Variants in SMURF2 observed in about 807,000 individuals in gnomAD.
SMURF2 encodes the protein SMAD specific E3 ubiquitin protein ligase 2.
SMURF2 carries 48 observed loss-of-function variants against 109.6 expected under a neutral mutation model. The observed-to-expected ratio is 0.44, with a 90% CI of 0.35 to 0.56. SMURF2 has a LOEUF of 0.56. Ranked by LOEUF, SMURF2 falls within the 20% of genes least tolerant of loss-of-function variation. The pLI is 0.01. For missense variants in SMURF2, 575 were observed against 909.0 expected (o/e 0.63, Z 4.72); for synonymous variants, 288 against 317.1 (o/e 0.91, Z 0.97).
intron 16 of SMURF2, among the ~76,000 whole-genome samples, chr17:64,549,624 T>C (rs1969011617): frequency 6.6e-6 from 1 of 152,034 alleles, no homozygotes; most frequent in South Asian, 2.1e-4. Context: ...GGCATGGTGG[T>C]GCACACCTGA....
At chr17:64,549,262 CAAAAAAAA>C (rs577973821) in intron 16 of SMURF2, among the ~76,000 whole-genome samples, 14 of 41,572 alleles carry the variant, frequency 3.4e-4, no homozygotes, top group South Asian at 1.3e-3. Flanking sequence ...ACTGTGTCTC[CAAAAAAAA>C]AAAAAAAAAA....
intron 1 of SMURF2, among the ~76,000 whole-genome samples, chr17:64,651,939 G>A (rs1449697940): frequency 6.6e-6 from 1 of 152,024 alleles, no homozygotes; most frequent in African/African-American, 2.4e-5. Context: ...AAGCAAAAAC[G>A]ATAAATACTC....
intron 2 of SMURF2, among the ~76,000 whole-genome samples, chr17:64,603,584 A>C (rs781932360): frequency 7.7e-6 from 1 of 129,832 alleles, no homozygotes; most frequent in Non-Finnish European, 1.6e-5. Context: ...CCGTCGGGGG[A>C]AAAAAAAAAA....
At chr17:64,556,122 G>A in intron 13 of SMURF2, 124 bp from the exon 14 acceptor site, 1 of 654,414 alleles carries the variant, frequency 1.5e-6, no homozygotes, top group South Asian at 2.3e-5. Flanking sequence ...CTTCAATAGA[G>A]TCAGGAGGGA....
chr17:64,661,598 T>C (rs1331409020), intron 1 of SMURF2, among the ~76,000 whole-genome samples: 2 of 151,784 alleles, frequency 1.3e-5, no homozygotes, highest in Admixed American at 6.5e-5. Context: ...ACCGGTGTAT[T>C]CTCCCCTCCA....
At chr17:64,595,504 G>C (rs1969804701) in intron 3 of SMURF2, among the ~76,000 whole-genome samples, 1 of 152,130 alleles carries the variant, frequency 6.6e-6, no homozygotes, top group Admixed American at 6.5e-5. Context: ...ACAAATACAT[G>C]ATTTATAAAC....
rs192534919 is a variant in SMURF2, at chr17:64,609,924, C to A, written c.53-3284G>T. On this transcript the variant is annotated intron_variant, in intron 1 of 18. Transcript: ENST00000262435. ...GAATTTAAATTTACAAAAAAAAAAA[C>A]CCCATCAAAAAGTGGGCAAAGGATT... Among the ~76,000 whole-genome samples, 1,401 of 149,224 alleles carry A rather than the reference C, an allele frequency of 9.4e-3. 38 individuals are homozygous for A. The highest frequency in any genetic ancestry group is 0.05 in the Admixed American group (747 of 15,082).
At chr17:64,546,438 A>G in intron 17 of SMURF2, 100 bp from the exon 18 acceptor site, 1 of 1,006,050 alleles carries the variant, frequency 9.9e-7, no homozygotes, top group Non-Finnish European at 1.5e-6. Context: ...GGATCTGGGG[A>G]TAGGGGAATG....
intron 10 of SMURF2, among the ~76,000 whole-genome samples, chr17:64,565,184 A>T (rs1969282487): frequency 6.6e-6 from 1 of 152,198 alleles, no homozygotes; most frequent in Non-Finnish European, 1.5e-5. Context: ...AAAAACGGAC[A>T]CAGGAGAAAA....
In SMURF2 at chr17:64,557,609, G is replaced by C. The variant is rs534931526; in HGVS notation, c.1430C>G (p.Pro477Arg). ...LQINPDSAVN[P>R]EHLSYFHFVG... is the part of the protein sequence containing the mutation. Reference sequence around the variant, plus strand: ...TCACATCATAACTTCAAATCATACCGGATTAACTGCAGAATCAGGATTGAT... The same window carrying C: ...TCACATCATAACTTCAAATCATACCCGATTAACTGCAGAATCAGGATTGAT... Residue 477 changes from proline (P) to arginine (R), a missense_variant and splice_region_variant, in exon 13 of 19, where the codon CCG (proline) becomes CGG (arginine). Pro to Arg is a moderately radical substitution (Grantham distance 103, BLOSUM62 -2). This residue lies in a region of SMURF2 where 361 missense variants were observed against 612.1 expected (regional missense o/e 0.59). Transcript: ENST00000262435. 6.4e-7 allele frequency: 1 copy of C among 1,560,078 alleles called. No homozygotes were observed. The highest frequency in any genetic ancestry group is 1.1e-5 in the South Asian group (1 of 88,886).
intron 6 of SMURF2, 43 bp from the exon 7 acceptor site, chr17:64,583,587 T>G: frequency 6.8e-7 from 1 of 1,468,156 alleles, no homozygotes. Flanking sequence ...ATAGGAAACT[T>G]GGACACAGTG....
In SMURF2 at chr17:64,545,821, G is replaced by A; in HGVS notation, c.*27C>T. 1 of 1,311,892 alleles carries A rather than the reference G, an allele frequency of 7.6e-7. No homozygotes were observed. The highest frequency in any genetic ancestry group is 1.1e-6 in the Non-Finnish European group (1 of 915,618). The allele number at this position is 1,311,892 out of a possible 1,614,324, so 81.3% of individuals were successfully genotyped here. On this transcript the variant is annotated 3_prime_UTR_variant, in exon 19 of 19. Transcript: ENST00000262435. Reference sequence around the variant, plus strand: ...GCTGTCAGTCAGGGTTGTATAAATAGAGTCCTGGGTAAATCCTTGAAGCTT... The same window carrying A: ...GCTGTCAGTCAGGGTTGTATAAATAAAGTCCTGGGTAAATCCTTGAAGCTT...
At chr17:64,641,272 G>A (rs1246582504) in intron 1 of SMURF2, among the ~76,000 whole-genome samples, 1 of 151,782 alleles carries the variant, frequency 6.6e-6, no homozygotes, top group Non-Finnish European at 1.5e-5. Context: ...AAATTCAAAG[G>A]TAGAACATAA....
At position 64,640,938 on chromosome 17, in the gene SMURF2, GA is replaced by G. The variant is rs546571590; in HGVS notation, c.52+20890del. ...ATCTCAAAAAAAAAAAAAGAAAAAAGAAAAAAAAGAAAAACAATGCAGACCC... is the reference window on the plus strand; with the variant it reads ...ATCTCAAAAAAAAAAAAAGAAAAAAGAAAAAAAGAAAAACAATGCAGACCC... On this transcript the variant is annotated intron_variant, in intron 1 of 18. Transcript: ENST00000262435. 9.4e-3 allele frequency among the ~76,000 whole-genome samples: 1,361 copies of G among 144,458 alleles called. 14 individuals are homozygous for G. Among genetic ancestry groups the G allele is most frequent in the African/African-American group, 0.033 (1,303 of 39,308 alleles). The allele number at this position is 144,458 out of a possible 152,430, so 94.8% of individuals were successfully genotyped here. A position where few individuals can be genotyped will look rare whatever the true frequency, so the allele number is the denominator to read the frequency against.
intron 1 of SMURF2, among the ~76,000 whole-genome samples, chr17:64,648,001 G>A (rs889499732): frequency 1.5e-5 from 2 of 130,920 alleles, no homozygotes; most frequent in Non-Finnish European, 3.1e-5. Context: ...GGCTGTAAGT[G>A]AGCTACGATC....
intron 1 of SMURF2, among the ~76,000 whole-genome samples, chr17:64,652,151 G>A (rs1314790621): frequency 6.6e-6 from 1 of 152,148 alleles, no homozygotes; most frequent in East Asian, 1.9e-4. Context: ...ATTTTAAAAT[G>A]TAAGGTTCAT....
chr17:64,584,731 A>G (rs1969629259), intron 6 of SMURF2, among the ~76,000 whole-genome samples: 1 of 152,172 alleles, frequency 6.6e-6, no homozygotes, highest in African/African-American at 2.4e-5. Context: ...CAGAAATGTG[A>G]TAATGTTAAT....
At chr17:64,584,060 G>C (rs1276988307) in intron 6 of SMURF2, among the ~76,000 whole-genome samples, 1 of 152,006 alleles carries the variant, frequency 6.6e-6, no homozygotes, top group Admixed American at 6.5e-5. Flanking sequence ...CCAGCATTTT[G>C]GGAGGCTAGC....
At chr17:64,614,123 T>C (rs1200368476) in intron 1 of SMURF2, among the ~76,000 whole-genome samples, 1 of 152,152 alleles carries the variant, frequency 6.6e-6, no homozygotes, top group Non-Finnish European at 1.5e-5. Flanking sequence ...AGATGATGCT[T>C]CACTGGCTCA....
Sources: allele counts gnomAD v4.1 joint callset (sites outside exome capture counted in the v4.1 genomes callset), GRCh38; gene constraint gnomAD v4.1.1; regional missense constraint gnomAD v4.1.1; transcripts MANE v1.5; gene names NCBI Gene and HGNC (gene_info 2026-07-23, HGNC 2026-07-21).